The following SLC39A11 variants were observed in gnomAD, a reference collection of about 807,000 sequenced individuals.
The protein encoded by SLC39A11 is zinc transporter ZIP11.
Under a neutral mutation model 36.1 loss-of-function variants are expected in SLC39A11, and 33 were observed. The ratio of observed to expected loss-of-function variants is 0.91; its 90% confidence interval spans 0.69 to 1.22. The LOEUF (loss-of-function observed/expected upper bound fraction) is 1.22. Ranked by LOEUF, SLC39A11 falls within the 50% of genes most tolerant of loss-of-function variation. The pLI is 0.00. For synonymous variants in SLC39A11, 166 were observed against 170.3 expected (o/e 0.97, Z 0.20); for missense variants, 432 against 430.3 (o/e 1.00, Z -0.03).
intron 6 of SLC39A11, among the ~76,000 whole-genome samples, chr17:72,785,688 G>A (rs886850069): frequency 2.0e-5 from 3 of 152,206 alleles, no homozygotes; most frequent in Non-Finnish European, 4.4e-5. Context: ...CCACCACCGG[G>A]AGGGTGGAAA....
At chr17:72,682,409 T>C (rs1237128143) in intron 7 of SLC39A11, among the ~76,000 whole-genome samples, 1 of 150,388 alleles carries the variant, frequency 6.6e-6, no homozygotes, top group Admixed American at 6.7e-5. Context: ...GTTGATCGAC[T>C]GTTTATGCTA....
chr17:72,652,397 C>T (rs1374686537), intron 7 of SLC39A11, among the ~76,000 whole-genome samples: 1 of 152,212 alleles, frequency 6.6e-6, no homozygotes, highest in Non-Finnish European at 1.5e-5. Flanking sequence ...GTTAGCTGTG[C>T]TACTTTCCAT....
chr17:72,807,231 C>G (rs1455630531), intron 6 of SLC39A11, among the ~76,000 whole-genome samples: 2 of 152,052 alleles, frequency 1.3e-5, no homozygotes, highest in African/African-American at 4.8e-5. Context: ...TTTCTGTTAT[C>G]TCCAAATTAA....
chr17:72,817,616 A>G (rs929306822), intron 6 of SLC39A11, among the ~76,000 whole-genome samples: 1 of 152,222 alleles, frequency 6.6e-6, no homozygotes, highest in Admixed American at 6.5e-5. Flanking sequence ...TGACAACATC[A>G]CTAACTCCCA....
At chr17:72,784,828 T>C (rs1029426856) in intron 6 of SLC39A11, among the ~76,000 whole-genome samples, 45 of 151,584 alleles carry the variant, frequency 3.0e-4, no homozygotes, top group African/African-American at 8.7e-4. Flanking sequence ...CCTGCAGAAC[T>C]GTGGGCCAAT....
intron 6 of SLC39A11, among the ~76,000 whole-genome samples, chr17:72,753,824 G>A (rs1292920904): frequency 1.5e-5 from 2 of 129,314 alleles, no homozygotes; most frequent in Non-Finnish European, 3.1e-5. Context: ...AGAACTATAA[G>A]TAGAACTACC....
chr17:72,863,307 C>G (rs2080136717), intron 5 of SLC39A11, among the ~76,000 whole-genome samples: 1 of 152,088 alleles, frequency 6.6e-6, no homozygotes, highest in African/African-American at 2.4e-5. Context: ...ATGACAGATT[C>G]CATAATCTCC....
chr17:72,750,154 C>A (rs2075099102), intron 6 of SLC39A11, among the ~76,000 whole-genome samples: 1 of 152,316 alleles, frequency 6.6e-6, no homozygotes, highest in South Asian at 2.1e-4. Context: ...AAGAGAGTCA[C>A]CCTGGGAATT....
At chr17:73,055,269 C>T (rs960155560) in intron 3 of SLC39A11, among the ~76,000 whole-genome samples, 1 of 152,042 alleles carries the variant, frequency 6.6e-6, no homozygotes, top group Non-Finnish European at 1.5e-5. Context: ...GAGGGGAGTT[C>T]ATGCACATAT....
At chr17:72,958,059 C>T (rs939630798) in intron 4 of SLC39A11, among the ~76,000 whole-genome samples, 2 of 152,088 alleles carry the variant, frequency 1.3e-5, no homozygotes, top group Admixed American at 6.5e-5. Flanking sequence ...AGAAATAAAC[C>T]CAAATACTTA....
Position 72,783,971 on chromosome 17 carries a change from A to G in SLC39A11, c.602-47252T>C, listed in dbSNP as rs191043901. 6.6e-5 allele frequency among the ~76,000 whole-genome samples: 10 copies of G among 152,304 alleles called. No homozygotes were observed. In the East Asian group the frequency reaches 1.9e-3, roughly 29 times the overall value. ...ACAGGGTAGGGTGAAAAGTAGAAGC[A>G]GATGGGAAAGGGAACTGGAGGATGT... On this transcript the variant is annotated intron_variant, in intron 6 of 9. Transcript: ENST00000255559.
chr17:72,880,541 C>T (rs1444629609), intron 5 of SLC39A11, among the ~76,000 whole-genome samples: 1 of 151,944 alleles, frequency 6.6e-6, no homozygotes, highest in Non-Finnish European at 1.5e-5. Context: ...CAACTGCACT[C>T]CAGACCTGTC....
chr17:72,697,700 T>C (rs1391203474), intron 7 of SLC39A11, among the ~76,000 whole-genome samples: 1 of 152,068 alleles, frequency 6.6e-6, no homozygotes. Flanking sequence ...GCAGGGACCA[T>C]GACCTCTGCT....
At chr17:72,660,681 C>G (rs2070371579) in intron 7 of SLC39A11, among the ~76,000 whole-genome samples, 1 of 152,178 alleles carries the variant, frequency 6.6e-6, no homozygotes, top group Non-Finnish European at 1.5e-5. Context: ...GGTTTCGAGC[C>G]AGAGACCTGC....
chr17:72,944,594 C>A (rs2085315273), intron 5 of SLC39A11, among the ~76,000 whole-genome samples: 1 of 152,134 alleles, frequency 6.6e-6, no homozygotes, highest in African/African-American at 2.4e-5. Flanking sequence ...GCTCGTGAGT[C>A]CTTTGGTACT....
At chr17:72,984,101 G>C (rs1193700853) in intron 4 of SLC39A11, among the ~76,000 whole-genome samples, 1 of 152,114 alleles carries the variant, frequency 6.6e-6, no homozygotes, top group Non-Finnish European at 1.5e-5. Flanking sequence ...GTGATTCTGG[G>C]AGCCTCAGAG....
intron 5 of SLC39A11, among the ~76,000 whole-genome samples, chr17:72,862,247 A>C (rs1403378280): frequency 6.6e-6 from 1 of 152,126 alleles, no homozygotes. Flanking sequence ...CTGCTTTCTG[A>C]GATGGAAGTG....
At chr17:72,936,259 C>T (rs1012807942) in intron 5 of SLC39A11, among the ~76,000 whole-genome samples, 1 of 151,778 alleles carries the variant, frequency 6.6e-6, no homozygotes, top group African/African-American at 2.4e-5. Flanking sequence ...TTGTATTTCA[C>T]AGGGTTTTTG....
intron 5 of SLC39A11, among the ~76,000 whole-genome samples, chr17:72,887,108 A>C (rs1341178334): frequency 6.6e-6 from 1 of 152,214 alleles, no homozygotes; most frequent in Non-Finnish European, 1.5e-5. Flanking sequence ...TGGACTATAA[A>C]GTCCTGTGAG....
Sources: allele counts gnomAD v4.1 joint callset (sites outside exome capture counted in the v4.1 genomes callset), GRCh38; gene constraint gnomAD v4.1.1; transcripts MANE v1.5; gene names NCBI Gene and HGNC (gene_info 2026-07-23, HGNC 2026-07-21).